ABL2: variants seen among roughly 807,000 people sequenced by gnomAD.
The protein encoded by ABL2 is tyrosine-protein kinase ABL2.
ABL2 carries 49 observed loss-of-function variants against 107.7 expected under a neutral mutation model. The observed-to-expected ratio is 0.45, with a 90% confidence interval of 0.36 to 0.58. The LOEUF (loss-of-function observed/expected upper bound fraction) is 0.58, where lower values mean the gene tolerates loss of function less well. Ranked by LOEUF, ABL2 falls within the 20% of genes least tolerant of loss-of-function variation. ABL2 has a pLI of 0.00. For missense variants in ABL2, 1,245 were observed against 1,457.0 expected, an observed-to-expected ratio of 0.85 and a Z score of 2.37; for synonymous variants, 549 against 548.6, an observed-to-expected ratio of 1.00 and a Z score of -0.01.
At chr1:179,194,579 A>C (rs1476305678) in intron 1 of ABL2, among the ~76,000 whole-genome samples, 1 of 152,216 alleles carries the variant, frequency 6.6e-6, no homozygotes, top group East Asian at 1.9e-4. Flanking sequence ...CACACAAAAC[A>C]CTTCATATTT....
At chr1:179,226,587 G>A (rs1351738373) in intron 1 of ABL2, among the ~76,000 whole-genome samples, 3 of 152,012 alleles carry the variant, frequency 2.0e-5, no homozygotes, top group African/African-American at 4.8e-5. Flanking sequence ...GATTACAGGC[G>A]TGAGCCACCG....
intron 1 of ABL2, chr1:179,184,161 A>C (rs1660550873): frequency 2.4e-6 from 1 of 409,448 alleles, no homozygotes; most frequent in Non-Finnish European, 4.6e-6. Context: ...TGCACTGCTT[A>C]GGGAGGAGGA....
Position 179,108,892 on chromosome 1 carries a change from G to A in ABL2, c.2375C>T (p.Pro792Leu), listed in dbSNP as rs371588734. ...GGTCATTGCCATCCTATCCTGCTCT[G>A]GAAGCCCTGAGGACATGGAAGATGT... is the stretch of plus-strand genomic sequence containing the variant. ...NSTSSMSSGLPEQDRMAMTLP... is the reference protein window; with the variant it reads ...NSTSSMSSGLLEQDRMAMTLP... The change falls in exon 12 of 12, where the codon CCA becomes CTA. Residue 792 changes from proline to leucine, a missense_variant. Physicochemically the swap from Pro to Leu is moderately conservative, Grantham distance 98. Transcript: ENST00000502732. 2 of 1,614,160 alleles carry A rather than the reference G, an allele frequency of 1.2e-6. No homozygotes were observed. Among genetic ancestry groups the A allele is most frequent in the Admixed American group, 3.3e-5 (2 of 60,016 alleles).
In ABL2 at chr1:179,229,604, CT is replaced by C; in HGVS notation, c.-208del. ...GGCGACTCACAGATTCTGCTTTTCC[CT>C]CCTCCTGTCGCGGCTCCGCGCCCCC... On this transcript the variant is annotated 5_prime_UTR_variant, in exon 1 of 12. It removes the in-frame stop codon of an upstream open reading frame in the 5' UTR. Transcript: ENST00000502732. 1 of 547,906 alleles carries C rather than the reference CT, an allele frequency of 1.8e-6. No homozygotes were observed. Among genetic ancestry groups the C allele is most frequent in the South Asian group, 2.9e-5 (1 of 34,374 alleles). The allele number at this position is 547,906 out of a possible 1,614,324, so 33.9% of individuals were successfully genotyped here. A position where few individuals can be genotyped will look rare whatever the true frequency, so the allele number is the denominator to read the frequency against.
At chr1:179,129,553 G>A (rs1484651507) in intron 3 of ABL2, among the ~76,000 whole-genome samples, 6 of 151,954 alleles carry the variant, frequency 3.9e-5, no homozygotes, top group Admixed American at 2.0e-4. Context: ...GTGGTGGTGC[G>A]TGCCTGTAAT....
chr1:179,100,540 G>T lies in ABL2; in HGVS notation c.*7178C>A. ...GTGCCTAATTCCGAAGCAAATTTAAGCAAGTTCTGACTACACAAACTCCTT... is the reference window on the plus strand; with the variant it reads ...GTGCCTAATTCCGAAGCAAATTTAATCAAGTTCTGACTACACAAACTCCTT... On this transcript the variant is annotated 3_prime_UTR_variant, in exon 12 of 12. Transcript: ENST00000502732. 1 of 228,960 alleles carries T rather than the reference G, an allele frequency of 4.4e-6. No individual in the cohort carries two copies. Among genetic ancestry groups the T allele is most frequent in the Non-Finnish European group, 8.7e-6 (1 of 115,388 alleles). The allele number at this position is 228,960 out of a possible 1,614,324, so 14.2% of individuals were successfully genotyped here.
intron 1 of ABL2, 33 bp downstream of exon 1, chr1:179,229,208 C>CCCCCCCCCCCCCCACCCCA: frequency 6.7e-7 from 1 of 1,488,058 alleles, no homozygotes; most frequent in Non-Finnish European, 9.0e-7. Context: ...CGGCCTCCCC[C>CCCCCCCCCCCCCCACCCCA]ACGCTCTCAT....
chr1:179,153,099 A>T (rs1317426857), intron 1 of ABL2, among the ~76,000 whole-genome samples: 1 of 152,222 alleles, frequency 6.6e-6, no homozygotes, highest in Non-Finnish European at 1.5e-5. Context: ...AAACATTTTT[A>T]TCAATGAAAA....
At chr1:179,206,498 AT>A (rs1661974000) in intron 1 of ABL2, among the ~76,000 whole-genome samples, 2 of 143,456 alleles carry the variant, frequency 1.4e-5, no homozygotes, top group African/African-American at 2.8e-5. Context: ...CTATGCATCC[AT>A]TTAAAAAAAA....
rs28914523 is a variant in ABL2, at chr1:179,130,661, C to T, written c.391+650G>A. On this transcript the variant is annotated intron_variant, in intron 3 of 11. Transcript: ENST00000502732. The stretch of plus-strand genomic sequence containing the variant: ...TCTCAAGAGAGTGGTAGTTTATTTC[C>T]GTGGGAAATTCTTATAAAAGGGAAC... Among the ~76,000 whole-genome samples the T allele has an allele frequency of 7.8e-3, 1,182 of 150,714 alleles. 55 individuals are homozygous for T. Among genetic ancestry groups the T allele is most frequent in the Admixed American group, 0.063 (960 of 15,150 alleles).
At position 179,099,606 on chromosome 1, in the gene ABL2, T is replaced by G. The variant is rs886926585; in HGVS notation, c.*8112A>C. 5.2e-5 allele frequency: 12 copies of G among 230,710 alleles called. No individual in the cohort carries two copies. Among genetic ancestry groups the G allele is most frequent in the African/African-American group, 2.7e-4 (12 of 45,250 alleles). The allele number at this position is 230,710 out of a possible 1,614,324, so 14.3% of individuals were successfully genotyped here. On this transcript the variant is annotated 3_prime_UTR_variant, in exon 12 of 12. Transcript: ENST00000502732. Reference sequence around the variant, plus strand: ...AGTTAAATCCCACATTGTCTCACTATGTCCCCTTAGCAATGCACACAGTGC... The same window carrying G: ...AGTTAAATCCCACATTGTCTCACTAGGTCCCCTTAGCAATGCACACAGTGC...
At chr1:179,220,990 A>C (rs537942170) in intron 1 of ABL2, 2 of 203,328 alleles carry the variant, frequency 9.8e-6, no homozygotes, top group Admixed American at 9.8e-5. Context: ...ATGTACTTTT[A>C]CAAGTATGAG....
intron 1 of ABL2, among the ~76,000 whole-genome samples, chr1:179,191,558 T>C (rs1268511940): frequency 1.3e-5 from 2 of 151,862 alleles, no homozygotes; most frequent in South Asian, 2.1e-4. Flanking sequence ...GTAGCTGGGA[T>C]TACAGGCATG....
Position 179,108,678 on chromosome 1 carries a change from T to C in ABL2, c.2589A>G (p.Arg863=), listed in dbSNP as rs1653716898. 1 of 1,614,060 alleles carries C rather than the reference T, an allele frequency of 6.2e-7. No homozygotes were observed. The highest frequency in any genetic ancestry group is 8.5e-7 in the Non-Finnish European group (1 of 1,180,006). ...LPRGATALPL[R]TPSGDLAITE... Reference sequence around the variant, plus strand: ...TAATGGCTAGATCCCCAGAGGGTGTTCTGAGAGGAAGAGCTGTGGCTCCTC... The same window carrying C: ...TAATGGCTAGATCCCCAGAGGGTGTCCTGAGAGGAAGAGCTGTGGCTCCTC... Residue 863 remains arginine, a synonymous_variant, in exon 12 of 12, where the codon AGA becomes AGG. Transcript: ENST00000502732.
intron 1 of ABL2, among the ~76,000 whole-genome samples, chr1:179,200,937 G>C (rs1428574220): frequency 6.6e-6 from 1 of 152,184 alleles, no homozygotes; most frequent in African/African-American, 2.4e-5. Context: ...GTAAAATGCT[G>C]TCTCCAAGGT....
Position 179,108,340 on chromosome 1 carries a change from C to T in ABL2, c.2927G>A (p.Arg976Gln). The change falls in exon 12 of 12, where the codon CGA becomes CAA. Residue 976 changes from arginine (R) to glutamine (Q), a missense_variant. Physicochemically the swap from Arg to Gln is conservative, Grantham distance 43. This residue lies in a region of ABL2 where 761 missense variants were observed against 766.4 expected (regional missense o/e 0.99). Coordinates refer to ENST00000502732, the MANE Select transcript of ABL2 (RefSeq NM_007314.4). ...VTSSGDKDRP[R>Q]RVKPKCAPPP... Reference sequence around the variant, plus strand: ...TGGGGCACACTTTGGTTTTACCCGTCGGGGTCGGTCCTTGTCTCCAGAGGA... The same window carrying T: ...TGGGGCACACTTTGGTTTTACCCGTTGGGGTCGGTCCTTGTCTCCAGAGGA... 9 of 1,614,176 alleles carry T rather than the reference C, an allele frequency of 5.6e-6. No individual in the cohort carries two copies. Among genetic ancestry groups the T allele is most frequent in the Admixed American group, 1.7e-5 (1 of 60,022 alleles).
rs74131925 is a variant in ABL2 at position 179,105,125 on chromosome 1, T to C, written c.*2593A>G. The C allele has an allele frequency of 0.012, 2,661 of 229,952 alleles. 81 individuals are homozygous for C. Among genetic ancestry groups the C allele is most frequent in the African/African-American group, 0.056 (2,543 of 45,228 alleles). The allele number at this position is 229,952 out of a possible 1,614,324, so 14.2% of individuals were successfully genotyped here. On this transcript the variant is annotated 3_prime_UTR_variant, in exon 12 of 12. Transcript: ENST00000502732. ...TCTTGACAGTGTTGACAAAAATCAA[T>C]TCCATTTATATATCGTGCACCCACT...
intron 1 of ABL2, among the ~76,000 whole-genome samples, chr1:179,198,348 G>A: frequency 6.6e-6 from 1 of 151,944 alleles, no homozygotes; most frequent in Non-Finnish European, 1.5e-5. Context: ...TGCTATTCTT[G>A]CAACTTTTCT....
chr1:179,129,707 G>C (rs559487940), intron 3 of ABL2, among the ~76,000 whole-genome samples: 41 of 150,470 alleles, frequency 2.7e-4, no homozygotes, highest in Non-Finnish European at 4.9e-4. Context: ...AAAATTCTTT[G>C]ATGTCTTTTG....
Sources: gnomAD v4.1 joint callset for allele counts (sites outside exome capture counted in the v4.1 genomes callset) on GRCh38, gnomAD v4.1.1 for gene constraint, gnomAD v4.1.1 regional missense constraint, MANE v1.5 for transcripts, NCBI Gene and HGNC (gene_info 2026-07-23, HGNC 2026-07-21) for gene names.